DNAAF4: variants seen among roughly 807,000 people sequenced by gnomAD.
The protein encoded by DNAAF4 is dynein axonemal assembly factor 4, also known as dynein assembly factor 4, axonemal.
DNAAF4 carries 43 observed loss-of-function variants against 51.8 expected under a neutral mutation model. The observed-to-expected ratio is 0.83, with a 90% CI of 0.65 to 1.07. The LOEUF is 1.07. Ranked by LOEUF, DNAAF4 falls within the 50% of genes least tolerant of loss-of-function variation. DNAAF4 has a pLI of 0.00. For synonymous variants in DNAAF4, 194 were observed against 165.6 expected, an observed-to-expected ratio of 1.17 and a Z score of -1.32; for missense variants, 581 against 493.0, an observed-to-expected ratio of 1.18 and a Z score of -1.69.
intron 6 of DNAAF4, among the ~76,000 whole-genome samples, chr15:55,441,507 G>C (rs560639549): frequency 6.6e-6 from 1 of 152,076 alleles, no homozygotes; most frequent in African/African-American, 2.4e-5. Flanking sequence ...TTGGTGTGCT[G>C]CACCCATTAA....
intron 1 of DNAAF4, among the ~76,000 whole-genome samples, chr15:55,505,360 A>G (rs540369098): frequency 6.6e-6 from 1 of 152,270 alleles, no homozygotes; most frequent in East Asian, 1.9e-4. Context: ...GACAGTGTGA[A>G]GATTCCTGAA....
At chr15:55,440,875 G>T (rs1299334919) in intron 6 of DNAAF4, among the ~76,000 whole-genome samples, 1 of 149,596 alleles carries the variant, frequency 6.7e-6, no homozygotes, top group Non-Finnish European at 1.5e-5. Flanking sequence ...TAGAGATGGG[G>T]TTTCACCATA....
At chr15:55,461,681 A>G (rs553256665) in intron 5 of DNAAF4, among the ~76,000 whole-genome samples, 4 of 152,322 alleles carry the variant, frequency 2.6e-5, no homozygotes, top group African/African-American at 9.6e-5. Flanking sequence ...CTACATCAAA[A>G]AGTCTGAAAG....
chr15:55,497,953 A>G (rs1214896359), intron 2 of DNAAF4, 94 bp from the exon 3 acceptor site: 2 of 1,483,886 alleles, frequency 1.3e-6, no homozygotes, highest in Non-Finnish European at 1.8e-6. Flanking sequence ...AACTTTCTAA[A>G]AGGCCCACTA....
rs34741079 is a variant in DNAAF4 at position 55,431,359 on chromosome 15, TACACACACACACAC to T, written c.1154-594_1154-581del. On this transcript the variant is annotated intron_variant, in intron 9 of 9. Transcript: ENST00000321149. ...TTATTTCCGAGCTTAGGTGTGTGTA[TACACACACACACAC>T]ACACACACACACACACAAATACATA... Among the ~76,000 whole-genome samples the T allele has an allele frequency of 1.6e-4, 24 of 149,512 alleles. 1 individual carries two copies. The highest frequency in any genetic ancestry group is 7.4e-4 in the Admixed American group (11 of 14,916).
At chr15:55,490,131 C>CA (rs34984421) in intron 4 of DNAAF4, among the ~76,000 whole-genome samples, 1 of 151,926 alleles carries the variant, frequency 6.6e-6, no homozygotes, top group East Asian at 1.9e-4. Context: ...CTCGGCCTCC[C>CA]AAAAGTGCTG....
chr15:55,475,683 AT>A (rs1275402552), intron 4 of DNAAF4, among the ~76,000 whole-genome samples: 1 of 152,144 alleles, frequency 6.6e-6, no homozygotes, highest in Non-Finnish European at 1.5e-5. Context: ...AGCATTTCAG[AT>A]TTTGTATTTT....
At chr15:55,432,804 T>C (rs899138822) in intron 8 of DNAAF4, among the ~76,000 whole-genome samples, 7 of 146,788 alleles carry the variant, frequency 4.8e-5, no homozygotes, top group African/African-American at 1.8e-4. Flanking sequence ...ACAAAAATTA[T>C]CTGGCTGTGG....
At chr15:55,494,376 G>T (rs542801283) in intron 3 of DNAAF4, among the ~76,000 whole-genome samples, 41 of 152,124 alleles carry the variant, frequency 2.7e-4, no homozygotes, top group African/African-American at 9.6e-4. Flanking sequence ...TTCTGAAGTA[G>T]AATCAATGTT....
intron 6 of DNAAF4, among the ~76,000 whole-genome samples, chr15:55,446,704 GCTCCTCACTTCCTAGACGGGGCA>G (rs2057828289): frequency 6.8e-6 from 1 of 146,626 alleles, no homozygotes. Flanking sequence ...GGGCAGAGGC[GCTCCTCACTTCCTAGACGGGGCA>G]GCCGGGCAGA....
At chr15:55,454,997 A>G (rs1275273680) in intron 5 of DNAAF4, among the ~76,000 whole-genome samples, 2 of 150,586 alleles carry the variant, frequency 1.3e-5, no homozygotes, top group East Asian at 1.9e-4. Context: ...TAAAGTACAG[A>G]TAAGTAAATA....
At chr15:55,491,729 A>AATATATAATATTATATTATAATAGT (rs1368202118) in intron 3 of DNAAF4, among the ~76,000 whole-genome samples, 2 of 129,328 alleles carry the variant, frequency 1.5e-5, no homozygotes, top group African/African-American at 2.7e-5. Flanking sequence ...AATAGTATAT[A>AATATATAATATTATATTATAATAGT]ATATAATATA....
chr15:55,476,867 C>G (rs903499860), intron 4 of DNAAF4, among the ~76,000 whole-genome samples: 2 of 151,940 alleles, frequency 1.3e-5, no homozygotes, highest in African/African-American at 4.8e-5. Context: ...TTTAATTGTG[C>G]AAGACGAAAT....
At chr15:55,501,093 C>G (rs919973256) in intron 1 of DNAAF4, among the ~76,000 whole-genome samples, 27 of 151,230 alleles carry the variant, frequency 1.8e-4, no homozygotes, top group Admixed American at 1.3e-3. Context: ...CAGACGGAGT[C>G]TCACTCTCTC....
intron 1 of DNAAF4, among the ~76,000 whole-genome samples, chr15:55,505,912 A>G (rs1031031573): frequency 4.6e-5 from 7 of 152,340 alleles, no homozygotes; most frequent in Admixed American, 2.6e-4. Context: ...AACTTAGAGT[A>G]TAATAATAAA....
intron 7 of DNAAF4, among the ~76,000 whole-genome samples, chr15:55,424,626 G>A (rs571720116): frequency 1.3e-5 from 2 of 152,192 alleles, no homozygotes; most frequent in Admixed American, 1.3e-4. Context: ...GCAGTGGCAC[G>A]ATCTCAGCTC....
chr15:55,486,569 A>G (rs1567030336), intron 4 of DNAAF4, among the ~76,000 whole-genome samples: 1 of 152,048 alleles, frequency 6.6e-6, no homozygotes, highest in African/African-American at 2.4e-5. Context: ...AGATCCTTAG[A>G]TATCTATTCT....
chr15:55,472,413 T>C (rs2058268098), intron 4 of DNAAF4, among the ~76,000 whole-genome samples: 1 of 151,322 alleles, frequency 6.6e-6, no homozygotes, highest in Admixed American at 6.6e-5. Flanking sequence ...AGGTCAGGAG[T>C]TCAAGAACAA....
rs543813873 is a variant in DNAAF4 at position 55,425,293 on chromosome 15, G to A, written c.1048-7160C>T. On this transcript the variant is annotated intron_variant, in intron 7 of 7. Coordinates refer to the DNAAF4 transcript ENST00000448430. ...ATTCCTCATTCCCTACCATCCCCCC[G>A]GTGATAACTGATCAACCTGGCCTGT... 3.3e-5 allele frequency among the ~76,000 whole-genome samples: 5 copies of A among 152,084 alleles called. No individual in the cohort carries two copies. In the South Asian group the frequency reaches 6.2e-4, roughly 19 times the overall value.
Sources: gnomAD v4.1 joint callset for allele counts (sites outside exome capture counted in the v4.1 genomes callset) on GRCh38, gnomAD v4.1.1 for gene constraint, MANE v1.5 for transcripts, NCBI Gene and HGNC (gene_info 2026-07-23, HGNC 2026-07-21) for gene names.